The following DBT variants were observed in gnomAD, a reference collection of about 807,000 sequenced individuals.
The protein encoded by DBT is lipoamide acyltransferase component of branched-chain alpha-keto acid dehydrogenase complex, mitochondrial.
DBT carries 40 observed loss-of-function variants against 51.3 expected under a neutral mutation model. The observed-to-expected ratio is 0.78, with a 90% CI of 0.61 to 1.02. The LOEUF (loss-of-function observed/expected upper bound fraction) is 1.02. DBT is among the 50% of genes least tolerant of loss of function. The pLI is 0.00. For synonymous variants in DBT, 181 were observed against 190.4 expected, an observed-to-expected ratio of 0.95 and a Z score of 0.41; for missense variants, 510 against 580.2, an observed-to-expected ratio of 0.88 and a Z score of 1.24.
intron 7 of DBT, among the ~76,000 whole-genome samples, chr1:100,212,676 G>A (rs1662225330): frequency 1.3e-5 from 2 of 152,224 alleles, no homozygotes; most frequent in South Asian, 4.1e-4. Context: ...TTAACAGTGG[G>A]AAACAAAAGT....
rs575293407 is a variant in DBT at position 100,205,837 on chromosome 1, AACACTGC to A, written c.1281+386_1281+392del. On this transcript the variant is annotated intron_variant, in intron 10 of 10. Transcript: ENST00000370132. ...GATGAAGCTGGAAACCAGAAAACCA[AACACTGC>A]ATGTTCTCACTCATAAGTGGGAGTT... 8.5e-3 allele frequency among the ~76,000 whole-genome samples: 1,291 copies of A among 152,302 alleles called. 11 individuals are homozygous for A. The highest frequency in any genetic ancestry group is 0.013 in the Non-Finnish European group (904 of 68,020).
In DBT at chr1:100,248,662, T is replaced by G. The variant is rs112261799; in HGVS notation, c.51+1108A>C. ...GAAGTGGCCAAAGATGAAGAAAGAA[T>G]AATATTGGGAAACTGGTGTCACAGA... On this transcript the variant is annotated intron_variant, in intron 1 of 10. Transcript: ENST00000370132. Among the ~76,000 whole-genome samples, 1,397 of 152,190 alleles carry G rather than the reference T, an allele frequency of 9.2e-3. 30 individuals carry two copies. Among genetic ancestry groups the G allele is most frequent in the African/African-American group, 0.033 (1,357 of 41,520 alleles).
Position 100,196,166 on chromosome 1 carries a change from A to T in DBT, c.*89T>A. On this transcript the variant is annotated 3_prime_UTR_variant, in exon 11 of 11. Coordinates refer to ENST00000370132, the MANE Select transcript of DBT (RefSeq NM_001918.5). ...TCATACGATACAAATCATTTACAATATAAATTGTAAAGATGAACATGTGCT... is the reference window on the plus strand; with the variant it reads ...TCATACGATACAAATCATTTACAATTTAAATTGTAAAGATGAACATGTGCT... The T allele has an allele frequency of 7.3e-6, 8 of 1,090,628 alleles. No individual in the cohort carries two copies. Among genetic ancestry groups the T allele is most frequent in the African/African-American group, 1.6e-5 (1 of 64,256 alleles). The allele number at this position is 1,090,628 out of a possible 1,614,324, so 67.6% of individuals were successfully genotyped here.
At position 100,217,817 on chromosome 1, in the gene DBT, C is replaced by T. The variant is rs140773664; in HGVS notation, c.555+809G>A. 7.2e-5 allele frequency among the ~76,000 whole-genome samples: 11 copies of T among 152,236 alleles called. No homozygotes were observed. In the East Asian group the frequency reaches 1.9e-3, roughly 27 times the overall value. On this transcript the variant is annotated intron_variant, in intron 5 of 10. Coordinates refer to ENST00000370132, the MANE Select transcript of DBT (RefSeq NM_001918.5). ...ACAGATGTGTCTATAGTGTCTGGCA[C>T]ATATGTGCTCAAATAATGGAGGCAA...
At chr1:100,213,518 G>C in intron 7 of DBT, 5 of 1,550,308 alleles carry the variant, frequency 3.2e-6, no homozygotes, top group East Asian at 2.2e-5. Flanking sequence ...CGTGGTCGTG[G>C]GAGGCTGTCC....
chr1:100,212,052 G>C (rs969069917), intron 7 of DBT, among the ~76,000 whole-genome samples: 2 of 152,148 alleles, frequency 1.3e-5, no homozygotes, highest in Non-Finnish European at 2.9e-5. Flanking sequence ...GATTACAGTC[G>C]TGAGACACTG....
At chr1:100,215,027 T>C (rs1662398521) in intron 6 of DBT, 44 bp from the exon 7 acceptor site, 1 of 1,335,436 alleles carries the variant, frequency 7.5e-7, no homozygotes, top group Non-Finnish European at 1.0e-6. Context: ...AATTCTCAAA[T>C]CTCTTCATCC....
At chr1:100,222,846 T>C (rs963351987) in intron 4 of DBT, among the ~76,000 whole-genome samples, 5 of 152,174 alleles carry the variant, frequency 3.3e-5, no homozygotes, top group South Asian at 2.1e-4. Context: ...CATCTTAACA[T>C]AGCTTCATGG....
chr1:100,199,847 G>C (rs547254458), intron 10 of DBT, among the ~76,000 whole-genome samples: 3 of 152,306 alleles, frequency 2.0e-5, no homozygotes, highest in African/African-American at 7.2e-5. Context: ...CGTGCTGTGA[G>C]GGATGGTGCT....
At chr1:100,246,338 A>G (rs1251271117) in intron 1 of DBT, among the ~76,000 whole-genome samples, 1 of 152,248 alleles carries the variant, frequency 6.6e-6, no homozygotes, top group Non-Finnish European at 1.5e-5. Flanking sequence ...ACTGTTCACC[A>G]AAGTAGCGTA....
At position 100,216,124 on chromosome 1, in the gene DBT, T is replaced by G. The variant is rs199528969; in HGVS notation, c.631A>C (p.Lys211Gln). 6.8e-6 allele frequency: 11 copies of G among 1,613,950 alleles called. No homozygotes were observed. The highest frequency in any genetic ancestry group is 8.5e-6 in the Non-Finnish European group (10 of 1,179,970). The change falls in exon 6 of 11, where the codon AAG becomes CAG. Residue 211 changes from lysine to glutamine, a missense_variant. Physicochemically the swap from Lys to Gln is moderately conservative, Grantham distance 53. Transcript: ENST00000370132. ...LKEDILNYLE[K>Q]QTGAILPPSP... ...GGAGGCAATATAGCTCCTGTCTGCT[T>G]TTCCAAATAGTTGAGGATATCTTCT...
intron 8 of DBT, among the ~76,000 whole-genome samples, chr1:100,207,854 C>T (rs559047818): frequency 1.9e-3 from 287 of 152,010 alleles, no homozygotes; most frequent in Non-Finnish European, 3.3e-3. Context: ...ACTTTGTGGC[C>T]GGGCACAGTG....
In DBT at chr1:100,196,286, T is replaced by C. The variant is rs75525811; in HGVS notation, c.1418A>G (p.Asn473Ser). The change falls in exon 11 of 11, where the codon AAC (asparagine) becomes AGC (serine). Residue 473 changes from asparagine (N) to serine (S), a missense_variant. Asn to Ser is a conservative substitution (Grantham distance 46). Coordinates refer to ENST00000370132, the MANE Select transcript of DBT (RefSeq NM_001918.5). ...CAGATCTAGTAGCATAAAAGCTGGG[T>C]TTTCTAAATAGGATTTCCACAAATT... ...FSNLWKSYLE[N>S]PAFMLLDLK The C allele has an allele frequency of 2.8e-3, 4,596 of 1,613,680 alleles. 9 individuals are homozygous for C. The highest frequency in any genetic ancestry group is 3.7e-3 in the Non-Finnish European group (4,308 of 1,179,900).
intron 3 of DBT, among the ~76,000 whole-genome samples, chr1:100,231,789 C>G (rs1663567779): frequency 6.6e-6 from 1 of 151,936 alleles, no homozygotes; most frequent in Non-Finnish European, 1.5e-5. Flanking sequence ...TTTTGGAAAT[C>G]AAAAAAAGGC....
In DBT at chr1:100,225,062, C is replaced by A. The variant is rs202223042; in HGVS notation, c.433+5671G>T. ...AAAAAAATATATATATACACACACA[C>A]ACACACACACACACACACACACACA... is the stretch of plus-strand genomic sequence containing the variant. On this transcript the variant is annotated intron_variant, in intron 4 of 10. Coordinates refer to ENST00000370132, the MANE Select transcript of DBT (RefSeq NM_001918.5). 2.1e-5 allele frequency among the ~76,000 whole-genome samples: 2 copies of A among 93,244 alleles called. 1 individual carries two copies. Among genetic ancestry groups the A allele is most frequent in the Non-Finnish European group, 4.1e-5 (2 of 48,274 alleles). 61.2% of individuals were successfully genotyped at this position (93,244 alleles called of 152,430 possible).
chr1:100,230,713 G>A lies in DBT; in HGVS notation c.433+20C>T. 6.5e-7 allele frequency: 1 copy of A among 1,548,620 alleles called. No individual in the cohort carries two copies. Among genetic ancestry groups the A allele is most frequent in the South Asian group, 1.1e-5 (1 of 87,622 alleles). On this transcript the variant is annotated intron_variant, in intron 4 of 10. Coordinates refer to ENST00000370132, the MANE Select transcript of DBT (RefSeq NM_001918.5). ...GACCAATAATCAATTTGGTAAAATA[G>A]ATTAACAGACTTACAATACCTTTTA...
chr1:100,199,786 C>T (rs941185827), intron 10 of DBT, among the ~76,000 whole-genome samples: 6 of 152,130 alleles, frequency 3.9e-5, no homozygotes, highest in East Asian at 1.9e-4. Context: ...ACCTGGGAGG[C>T]GCAAGGGGTC....
rs79737399 is a variant in DBT, at chr1:100,249,568, C to G, written c.51+202G>C. On this transcript the variant is annotated intron_variant, in intron 1 of 10. Coordinates refer to ENST00000370132, the MANE Select transcript of DBT (RefSeq NM_001918.5). Reference sequence around the variant, plus strand: ...GGCTGAGTCGCTGCAGAAGCGCTTCCAGGTAAGGGGAGGGAGTGGGTTTCC... The same window carrying G: ...GGCTGAGTCGCTGCAGAAGCGCTTCGAGGTAAGGGGAGGGAGTGGGTTTCC... 4.9e-3 allele frequency among the ~76,000 whole-genome samples: 749 copies of G among 152,290 alleles called. 7 individuals are homozygous for G. Among genetic ancestry groups the G allele is most frequent in the African/African-American group, 0.018 (736 of 41,558 alleles).
intron 3 of DBT, among the ~76,000 whole-genome samples, chr1:100,232,880 G>T (rs769847528): frequency 4.6e-5 from 7 of 152,162 alleles, no homozygotes; most frequent in Admixed American, 2.6e-4. Flanking sequence ...ATTCTATTAA[G>T]TTTCTACTAA....
Sources: gnomAD v4.1 joint callset for allele counts (sites outside exome capture counted in the v4.1 genomes callset) on GRCh38, gnomAD v4.1.1 for gene constraint, MANE v1.5 for transcripts, NCBI Gene and HGNC (gene_info 2026-07-23, HGNC 2026-07-21) for gene names.